SFT2D1: variants seen among roughly 807,000 people sequenced by gnomAD.
SFT2D1 encodes the protein vesicle transport protein SFT2A.
Under a neutral mutation model 28.1 loss-of-function variants are expected in SFT2D1, and 24 were observed. The ratio of observed to expected loss-of-function variants is 0.85; its 90% CI spans 0.62 to 1.20. The LOEUF (loss-of-function observed/expected upper bound fraction) is 1.20, where lower values mean the gene tolerates loss of function less well. SFT2D1 is among the 50% of genes most tolerant of loss of function. The probability of loss-of-function intolerance (pLI) is 0.00; values close to 1 mark genes in which losing one functional copy is unlikely to be tolerated. For missense variants in SFT2D1, 181 were observed against 190.9 expected (o/e 0.95, Z 0.31); for synonymous variants, 82 against 73.7 (o/e 1.11, Z -0.58).
At chr6:166,338,494 G>A (rs1778707131) in intron 1 of SFT2D1, among the ~76,000 whole-genome samples, 1 of 152,164 alleles carries the variant, frequency 6.6e-6, no homozygotes, top group Non-Finnish European at 1.5e-5. Context: ...AACTGGGTCA[G>A]GAAGAGCCTC....
At chr6:166,341,517 A>G (rs944512854) in intron 1 of SFT2D1, among the ~76,000 whole-genome samples, 6 of 152,086 alleles carry the variant, frequency 3.9e-5, no homozygotes, top group Admixed American at 6.5e-5. Flanking sequence ...ACAGAGTGCA[A>G]TGAGAACAGA....
At chr6:166,336,461 T>A (rs1190413498) in intron 1 of SFT2D1, among the ~76,000 whole-genome samples, 1 of 152,180 alleles carries the variant, frequency 6.6e-6, no homozygotes, top group Non-Finnish European at 1.5e-5. Flanking sequence ...AATAAACTAT[T>A]TAATTCTCTT....
At chr6:166,340,121 A>T (rs2114916115) in intron 1 of SFT2D1, among the ~76,000 whole-genome samples, 1 of 152,268 alleles carries the variant, frequency 6.6e-6, no homozygotes, top group Admixed American at 6.5e-5. Context: ...CTGGCTGTAC[A>T]CTCAGACCAT....
intron 1 of SFT2D1, among the ~76,000 whole-genome samples, chr6:166,333,335 T>TGTG (rs1377934738): frequency 5.3e-5 from 8 of 152,184 alleles, no homozygotes; most frequent in African/African-American, 1.7e-4. Context: ...CTGGCCTTTC[T>TGTG]GTGCAGCATC....
chr6:166,332,938 T>A (rs1778577196), intron 1 of SFT2D1, among the ~76,000 whole-genome samples: 1 of 152,162 alleles, frequency 6.6e-6, no homozygotes, highest in South Asian at 2.1e-4. Flanking sequence ...CCCACCCCTT[T>A]AAGTGACGGA....
chr6:166,341,826 T>C lies in SFT2D1; in HGVS notation c.63+593A>G, dbSNP rs1778787357. 8.0e-5 allele frequency among the ~76,000 whole-genome samples: 6 copies of C among 74,902 alleles called. No individual in the cohort carries two copies. The South Asian group carries it at 3.5e-3, about 44-fold the overall frequency. 49.1% of individuals were successfully genotyped at this position (74,902 alleles called of 152,430 possible). Reference sequence around the variant, plus strand: ...TAAGGCGCAGACACAAGGGCTTTTATTAAGAAAAAAAAAAAAATCTCTTAC... The same window carrying C: ...TAAGGCGCAGACACAAGGGCTTTTACTAAGAAAAAAAAAAAAATCTCTTAC... On this transcript the variant is annotated intron_variant, in intron 1 of 7. Transcript: ENST00000361731.
At chr6:166,341,145 A>T (rs1372057832) in intron 1 of SFT2D1, among the ~76,000 whole-genome samples, 1 of 152,148 alleles carries the variant, frequency 6.6e-6, no homozygotes, top group Non-Finnish European at 1.5e-5. Flanking sequence ...TTTAATTTTA[A>T]TTAATTTAAA....
At chr6:166,336,181 G>A (rs143571228) in intron 1 of SFT2D1, among the ~76,000 whole-genome samples, 106 of 152,252 alleles carry the variant, frequency 7.0e-4, no homozygotes, top group African/African-American at 2.5e-3. Context: ...TTCCTTCAGG[G>A]TGATGCCAGG....
At chr6:166,326,295 A>G in intron 4 of SFT2D1, 128 bp from the exon 5 acceptor site, 1 of 750,146 alleles carries the variant, frequency 1.3e-6, no homozygotes, top group Non-Finnish European at 2.2e-6. Flanking sequence ...ATACAGCTGA[A>G]TAGTTTTACT....
In SFT2D1 at chr6:166,320,107, G is replaced by A. The variant is rs947326222; in HGVS notation, c.*110C>T. On this transcript the variant is annotated 3_prime_UTR_variant, in exon 8 of 8. Transcript: ENST00000361731. ...ACAAAATGAGACTTAGTACAAAACG[G>A]TCTTCAACTGTCACGTCAGTTGTTC... The A allele has an allele frequency of 2.2e-6, 2 of 927,028 alleles. No homozygotes were observed. The highest frequency in any genetic ancestry group is 3.4e-6 in the Non-Finnish European group (2 of 585,978). 57.4% of individuals were successfully genotyped at this position (927,028 alleles called of 1,614,324 possible).
intron 1 of SFT2D1, among the ~76,000 whole-genome samples, chr6:166,338,007 A>G (rs560672810): frequency 1.9e-4 from 29 of 152,300 alleles, no homozygotes; most frequent in African/African-American, 6.0e-4. Flanking sequence ...ACAGTGTGAC[A>G]CCAGGAAGGG....
intron 5 of SFT2D1, among the ~76,000 whole-genome samples, chr6:166,324,959 T>C (rs1211688038): frequency 6.6e-6 from 1 of 152,212 alleles, no homozygotes; most frequent in African/African-American, 2.4e-5. Flanking sequence ...GTATGCCCCA[T>C]GTGAAATTTA....
At chr6:166,333,219 C>T (rs1278363857) in intron 1 of SFT2D1, among the ~76,000 whole-genome samples, 2 of 152,240 alleles carry the variant, frequency 1.3e-5, no homozygotes, top group Non-Finnish European at 2.9e-5. Flanking sequence ...TCCCCACACC[C>T]GCTGCTGGGG....
intron 7 of SFT2D1, among the ~76,000 whole-genome samples, chr6:166,322,319 C>G (rs1583032946): frequency 6.6e-6 from 1 of 152,242 alleles, no homozygotes; most frequent in East Asian, 1.9e-4. Flanking sequence ...CGGGAGGATA[C>G]TCCCCACAGA....
At position 166,320,218 on chromosome 6, in the gene SFT2D1, C is replaced by T. The variant is rs780223978; in HGVS notation, c.479G>A (p.Ter160=). The change falls in exon 8 of 8, where the codon TGA becomes TAA. Residue 160 remains the stop codon, a stop_retained_variant. Coordinates refer to ENST00000361731, the MANE Select transcript of SFT2D1 (RefSeq NM_145169.3). ...CTCTTTTCCACAAGTTTCTGATTTT[C>T]AACTTAGGAGAGAAGAACAGCATTT... ...VIKCCSSLLS[*] 4 of 1,610,830 alleles carry T rather than the reference C, an allele frequency of 2.5e-6. No homozygotes were observed. Among genetic ancestry groups the T allele is most frequent in the Non-Finnish European group, 3.4e-6 (4 of 1,178,894 alleles).
Position 166,332,055 on chromosome 6 carries a change from G to A in SFT2D1, c.64-1808C>T, listed in dbSNP as rs541611176. Among the ~76,000 whole-genome samples the A allele has an allele frequency of 6.6e-5, 10 of 152,252 alleles. No individual in the cohort carries two copies. In the East Asian group the frequency reaches 1.5e-3, roughly 23 times the overall value. On this transcript the variant is annotated intron_variant, in intron 1 of 7. Coordinates refer to ENST00000361731, the MANE Select transcript of SFT2D1 (RefSeq NM_145169.3). ...TCTTCCGTGTATTGATCTTTAAAACGAAACAGCAGGACAAATTATTTCCAC... is the reference window on the plus strand; with the variant it reads ...TCTTCCGTGTATTGATCTTTAAAACAAAACAGCAGGACAAATTATTTCCAC...
chr6:166,332,007 G>C lies in SFT2D1; in HGVS notation c.64-1760C>G, dbSNP rs577395576. ...CAGCACGGCTATTTGTATAATAGTA[G>C]GTATTTTTTCCTCCTATTGCCATCT... On this transcript the variant is annotated intron_variant, in intron 1 of 7. Transcript: ENST00000361731. Among the ~76,000 whole-genome samples the C allele has an allele frequency of 2.0e-5, 3 of 152,202 alleles. No individual in the cohort carries two copies. In the East Asian group the frequency reaches 5.8e-4, roughly 29 times the overall value.
chr6:166,326,307 G>T, intron 4 of SFT2D1, 140 bp from the exon 5 acceptor site: 2 of 705,812 alleles, frequency 2.8e-6, no homozygotes, highest in Admixed American at 3.1e-5. Context: ...AGTTTTACTT[G>T]TATTTTCTGT....
At position 166,329,601 on chromosome 6, in the gene SFT2D1, T is replaced by C. The variant is rs1562444103; in HGVS notation, c.151-12A>G. 1 of 1,564,994 alleles carries C rather than the reference T, an allele frequency of 6.4e-7. No individual in the cohort carries two copies. The highest frequency in any genetic ancestry group is 8.6e-7 in the Non-Finnish European group (1 of 1,156,994). ...AGCAATCCAGTTCCCTAAGTTAAGATATTATAGTTATTTTAAAATAATTTT... is the reference window on the plus strand; with the variant it reads ...AGCAATCCAGTTCCCTAAGTTAAGACATTATAGTTATTTTAAAATAATTTT... On this transcript the variant is annotated splice_polypyrimidine_tract_variant and intron_variant, in intron 2 of 7. Coordinates refer to ENST00000361731, the MANE Select transcript of SFT2D1 (RefSeq NM_145169.3).
Sources: allele counts gnomAD v4.1 joint callset (sites outside exome capture counted in the v4.1 genomes callset), GRCh38; gene constraint gnomAD v4.1.1; transcripts MANE v1.5; gene names NCBI Gene and HGNC (gene_info 2026-07-23, HGNC 2026-07-21).